Variants in CAPZB observed in about 807,000 individuals in gnomAD.
The protein encoded by CAPZB is capping actin protein of muscle Z-line subunit beta.
A neutral mutation model predicts 38.1 loss-of-function variants in CAPZB; 2 were observed. That is an observed-to-expected ratio of 0.05 (90% CI 0.02 to 0.17). The LOEUF (loss-of-function observed/expected upper bound fraction) is 0.17. CAPZB is among the 10% of genes least tolerant of loss of function. The pLI, the probability that CAPZB is intolerant of heterozygous loss-of-function variation, is 1.00. For missense variants in CAPZB, 161 were observed against 334.2 expected, an observed-to-expected ratio of 0.48 and a Z score of 4.04; for synonymous variants, 107 against 127.4, an observed-to-expected ratio of 0.84 and a Z score of 1.08.
At chr1:19,426,445 G>GA (rs1219245781) in intron 1 of CAPZB, among the ~76,000 whole-genome samples, 39 of 152,004 alleles carry the variant, frequency 2.6e-4, no homozygotes, top group Non-Finnish European at 1.9e-4. Flanking sequence ...TGGTGGGGCG[G>GA]GGGGGGGCTG....
intron 2 of CAPZB, among the ~76,000 whole-genome samples, chr1:19,406,633 C>A (rs539357957): frequency 1.2e-4 from 18 of 152,262 alleles, no homozygotes; most frequent in Non-Finnish European, 2.2e-4. Context: ...CAACTCTGCT[C>A]CTTACTAATT....
chr1:19,344,805 G>A (rs1165275447), intron 7 of CAPZB, among the ~76,000 whole-genome samples: 2 of 152,200 alleles, frequency 1.3e-5, no homozygotes, highest in Admixed American at 6.5e-5. Context: ...GTGACAGGAG[G>A]GCCAAGGCAG....
At chr1:19,352,476 C>G (rs546584810) in intron 6 of CAPZB, among the ~76,000 whole-genome samples, 1 of 152,280 alleles carries the variant, frequency 6.6e-6, no homozygotes, top group Non-Finnish European at 1.5e-5. Context: ...CTCTTTCCCA[C>G]GTCTCTGCTG....
chr1:19,476,192 A>G (rs1214920167), intron 1 of CAPZB, among the ~76,000 whole-genome samples: 1 of 136,204 alleles, frequency 7.3e-6, no homozygotes, highest in African/African-American at 3.7e-5. Context: ...AGATAGATAG[A>G]TAGATAGATA....
rs1172609400 is a variant in CAPZB, at chr1:19,345,244, C to G, written c.597G>C (p.Lys199Asn). 1 of 1,613,506 alleles carries G rather than the reference C, an allele frequency of 6.2e-7. No individual in the cohort carries two copies. Among genetic ancestry groups the G allele is most frequent in the African/African-American group, 1.3e-5 (1 of 75,032 alleles). Residue 199 changes from lysine (K) to asparagine (N), a missense_variant, in exon 7 of 9, where the codon AAG (lysine) becomes AAC (asparagine). Coordinates refer to ENST00000264202, the MANE Select transcript of CAPZB (RefSeq NM_004930.5). ...LGGSLTRQME[K>N]DETVSDCSPH... is the part of the protein sequence containing the mutation. ...GGGAGCAGTCACTCACAGTTTCATC[C>G]TTCTCCATCTGCAAAAGACAGAAAC... is the stretch of plus-strand genomic sequence containing the variant.
At chr1:19,471,758 T>G (rs2094588585) in intron 1 of CAPZB, among the ~76,000 whole-genome samples, 1 of 151,818 alleles carries the variant, frequency 6.6e-6, no homozygotes, top group African/African-American at 2.4e-5. Flanking sequence ...TCCCAGCTAC[T>G]CGGGAGGCTG....
Position 19,339,462 on chromosome 1 carries a change from G to C in CAPZB, c.*68C>G. ...AGGGAAGGGACGAGGGAAGGGAGCAGAAAACGAGTTTTCTAAGAAAGGAAT... is the reference window on the plus strand; with the variant it reads ...AGGGAAGGGACGAGGGAAGGGAGCACAAAACGAGTTTTCTAAGAAAGGAAT... On this transcript the variant is annotated 3_prime_UTR_variant, in exon 9 of 9. Transcript: ENST00000264202. The C allele has an allele frequency of 8.2e-7, 1 of 1,223,650 alleles. No homozygotes were observed. The highest frequency in any genetic ancestry group is 1.2e-5 in the South Asian group (1 of 83,394). The allele number at this position is 1,223,650 out of a possible 1,614,324, so 75.8% of individuals were successfully genotyped here.
At chr1:19,434,929 A>C (rs1464008343) in intron 1 of CAPZB, among the ~76,000 whole-genome samples, 2 of 146,170 alleles carry the variant, frequency 1.4e-5, no homozygotes, top group African/African-American at 5.0e-5. Context: ...GAGAGTGGGT[A>C]GCCACAGAAC....
intron 6 of CAPZB, among the ~76,000 whole-genome samples, chr1:19,347,348 G>A (rs372435946): frequency 6.6e-6 from 1 of 152,228 alleles, no homozygotes. Flanking sequence ...ATGCTGGGCT[G>A]GAAGAAAACA....
chr1:19,435,738 A>G (rs2094456137), intron 1 of CAPZB, among the ~76,000 whole-genome samples: 1 of 152,218 alleles, frequency 6.6e-6, no homozygotes, highest in Non-Finnish European at 1.5e-5. Flanking sequence ...TGGATGGCAG[A>G]GCTGGGGTTC....
chr1:19,446,810 G>A (rs963748255), intron 1 of CAPZB, among the ~76,000 whole-genome samples: 6 of 152,090 alleles, frequency 3.9e-5, no homozygotes, highest in South Asian at 2.1e-4. Context: ...ATATAAAAAC[G>A]TTAACAGTGT....
At chr1:19,396,671 T>C (rs890403494) in intron 2 of CAPZB, among the ~76,000 whole-genome samples, 2 of 151,642 alleles carry the variant, frequency 1.3e-5, no homozygotes, top group African/African-American at 4.8e-5. Context: ...CCAGACGCAG[T>C]GGCTCATGCC....
chr1:19,346,817 CTTTTT>C (rs34733600), intron 6 of CAPZB, among the ~76,000 whole-genome samples: 8 of 84,100 alleles, frequency 9.5e-5, no homozygotes, highest in African/African-American at 1.3e-4. Context: ...CGACTTTTGT[CTTTTT>C]TTTTTTTTTT....
chr1:19,447,562 A>G (rs1047741774), intron 1 of CAPZB, among the ~76,000 whole-genome samples: 2 of 152,050 alleles, frequency 1.3e-5, no homozygotes, highest in African/African-American at 4.8e-5. Context: ...GGAACTCAGC[A>G]TCATCATAGA....
chr1:19,456,658 C>A (rs918485373), intron 1 of CAPZB, among the ~76,000 whole-genome samples: 2 of 152,118 alleles, frequency 1.3e-5, no homozygotes, highest in Admixed American at 1.3e-4. Context: ...AGGATCAGAC[C>A]ATCCCACAAC....
intron 2 of CAPZB, among the ~76,000 whole-genome samples, chr1:19,415,496 G>A (rs189407965): frequency 9.2e-5 from 14 of 152,166 alleles, no homozygotes; most frequent in East Asian, 1.9e-4. Context: ...AAAGCATTTC[G>A]TAAGTTCAGT....
chr1:19,429,006 A>G (rs1047358980), intron 1 of CAPZB, among the ~76,000 whole-genome samples: 1 of 152,258 alleles, frequency 6.6e-6, no homozygotes, highest in African/African-American at 2.4e-5. Context: ...AAAAAATTCT[A>G]GAAGACAGCA....
chr1:19,410,866 C>A (rs930205924), intron 2 of CAPZB, among the ~76,000 whole-genome samples: 2 of 152,300 alleles, frequency 1.3e-5, no homozygotes, highest in African/African-American at 2.4e-5. Flanking sequence ...GACACCTCTT[C>A]CCCGCAACCC....
chr1:19,483,334 T>C (rs1333316384), intron 1 of CAPZB, among the ~76,000 whole-genome samples: 5 of 152,244 alleles, frequency 3.3e-5, no homozygotes, highest in Non-Finnish European at 7.3e-5. Flanking sequence ...GCCTGCCAGA[T>C]GGGCTTCCAC....
Sources: allele counts gnomAD v4.1 joint callset (sites outside exome capture counted in the v4.1 genomes callset), GRCh38; gene constraint gnomAD v4.1.1; transcripts MANE v1.5; gene names NCBI Gene and HGNC (gene_info 2026-07-23, HGNC 2026-07-21).